PRKG1: variants seen among roughly 807,000 people sequenced by gnomAD.
PRKG1 encodes the protein protein kinase cGMP-dependent 1.
Under a neutral mutation model 88.1 loss-of-function variants are expected in PRKG1, and 35 were observed. The ratio of observed to expected loss-of-function variants is 0.40; its 90% CI spans 0.30 to 0.53. The LOEUF (loss-of-function observed/expected upper bound fraction) is 0.53, where lower values mean the gene tolerates loss of function less well. Among genes scored for constraint, PRKG1 ranks in the 20% least tolerant of loss-of-function variants. The pLI, the probability that PRKG1 is intolerant of heterozygous loss-of-function variation, is 0.59. For synonymous variants in PRKG1, 303 were observed against 292.5 expected (o/e 1.04, Z -0.37); for missense variants, 540 against 839.8 (o/e 0.64, Z 4.41).
At chr10:51,581,530 C>T (rs533671114) in intron 3 of PRKG1, among the ~76,000 whole-genome samples, 50 of 152,196 alleles carry the variant, frequency 3.3e-4, no homozygotes, top group Admixed American at 1.1e-3. Flanking sequence ...TTCCATTCCC[C>T]GAGCTATGAA....
chr10:51,268,958 G>A (rs975602038), intron 2 of PRKG1, among the ~76,000 whole-genome samples: 4 of 152,086 alleles, frequency 2.6e-5, no homozygotes, highest in African/African-American at 4.8e-5. Context: ...GGCTTCAGCC[G>A]GTCCTTCCAT....
At chr10:51,216,636 T>C (rs1838379140) in intron 2 of PRKG1, among the ~76,000 whole-genome samples, 1 of 152,224 alleles carries the variant, frequency 6.6e-6, no homozygotes, top group Non-Finnish European at 1.5e-5. Context: ...GCTGTCATCA[T>C]CATTTTCAAG....
chr10:51,914,900 A>T (rs540050556), intron 5 of PRKG1, among the ~76,000 whole-genome samples: 149 of 152,344 alleles, frequency 9.8e-4, no homozygotes, highest in African/African-American at 3.4e-3. Flanking sequence ...ATTATAAGAA[A>T]GTTTTTTAAA....
chr10:51,682,192 A>T (rs1486643449), intron 3 of PRKG1, among the ~76,000 whole-genome samples: 1 of 152,220 alleles, frequency 6.6e-6, no homozygotes, highest in Non-Finnish European at 1.5e-5. Flanking sequence ...CAGCTGTTAG[A>T]GGGTTTTTCC....
At position 52,225,625 on chromosome 10, in the gene PRKG1, A is replaced by G. The variant is rs1156470517; in HGVS notation, c.1077-25945A>G. On this transcript the variant is annotated intron_variant, in intron 9 of 17. Coordinates refer to ENST00000373980, the MANE Select transcript of PRKG1 (RefSeq NM_006258.4). ...TAGAATTTCAGTAGTTTCAGGTCTT[A>G]GGTTTAAGCCCTTAATCCATCTTGA... is the stretch of plus-strand genomic sequence containing the variant. 2.0e-5 allele frequency among the ~76,000 whole-genome samples: 3 copies of G among 152,184 alleles called. No individual in the cohort carries two copies. The East Asian group carries it at 5.8e-4, about 29-fold the overall frequency.
chr10:52,074,511 C>A (rs1846583549), intron 7 of PRKG1, among the ~76,000 whole-genome samples: 1 of 152,030 alleles, frequency 6.6e-6, no homozygotes, highest in Non-Finnish European at 1.5e-5. Flanking sequence ...TCAGGTGCCA[C>A]AAGATAAGAA....
At chr10:52,044,663 A>T (rs2133236436) in intron 5 of PRKG1, among the ~76,000 whole-genome samples, 1 of 152,326 alleles carries the variant, frequency 6.6e-6, no homozygotes, top group South Asian at 2.1e-4. Context: ...ACACTTTTCC[A>T]GATTATACTT....
chr10:52,148,956 G>GTTTTTTTTTTTTTTTTTTTTTTTTT (rs1837814829), intron 8 of PRKG1, among the ~76,000 whole-genome samples: 1 of 70,534 alleles, frequency 1.4e-5, no homozygotes, highest in African/African-American at 6.7e-5. Flanking sequence ...GGATAGTTTT[G>GTTTTTTTTTTTTTTTTTTTTTTTTT]CTTTTTTTTT....
intron 1 of PRKG1, among the ~76,000 whole-genome samples, chr10:51,077,151 G>A (rs982547071): frequency 1.3e-5 from 2 of 152,192 alleles, no homozygotes; most frequent in African/African-American, 2.4e-5. Flanking sequence ...GTTGTACAAG[G>A]TAGCTCCACA....
chr10:51,654,277 A>G (rs1355625618), intron 3 of PRKG1, among the ~76,000 whole-genome samples: 1 of 152,146 alleles, frequency 6.6e-6, no homozygotes, highest in African/African-American at 2.4e-5. Flanking sequence ...CATTTATTGA[A>G]AAGACTGTCC....
intron 7 of PRKG1, among the ~76,000 whole-genome samples, chr10:52,112,085 C>T (rs1008148429): frequency 2.6e-5 from 4 of 152,164 alleles, no homozygotes; most frequent in Non-Finnish European, 4.4e-5. Context: ...TCTCAACACA[C>T]GCCATCATTC....
chr10:52,029,212 A>T (rs1032173557), intron 5 of PRKG1, among the ~76,000 whole-genome samples: 3 of 152,210 alleles, frequency 2.0e-5, no homozygotes, highest in African/African-American at 7.2e-5. Context: ...TAGAAAAGTC[A>T]TTCCATTCTT....
At chr10:51,870,389 T>C (rs1841125976) in intron 4 of PRKG1, among the ~76,000 whole-genome samples, 1 of 151,664 alleles carries the variant, frequency 6.6e-6, no homozygotes, top group South Asian at 2.1e-4. Flanking sequence ...CTGTTTTCTC[T>C]TCTGATTTCT....
chr10:51,247,642 T>C (rs932745544), intron 2 of PRKG1, among the ~76,000 whole-genome samples: 8 of 151,988 alleles, frequency 5.3e-5, no homozygotes, highest in African/African-American at 1.9e-4. Flanking sequence ...GGGGCCAGCA[T>C]AGTGCATCCC....
At chr10:51,439,147 C>A (rs367728513) in intron 2 of PRKG1, among the ~76,000 whole-genome samples, 1 of 151,684 alleles carries the variant, frequency 6.6e-6, no homozygotes, top group East Asian at 1.9e-4. Flanking sequence ...CATGTCATGA[C>A]TTTGACCTTC....
At position 52,101,054 on chromosome 10, in the gene PRKG1, T is replaced by C. The variant is rs147971073; in HGVS notation, c.936-32786T>C. ...CAATCTTACAGGATTTGGATGTTCA[T>C]ATACCTGCCATTCATATTGATGAAT... On this transcript the variant is annotated intron_variant, in intron 7 of 17. Coordinates refer to ENST00000373980, the MANE Select transcript of PRKG1 (RefSeq NM_006258.4). Among the ~76,000 whole-genome samples, 998 of 152,314 alleles carry C rather than the reference T, an allele frequency of 6.6e-3. 8 individuals are homozygous for C. The highest frequency in any genetic ancestry group is 0.022 in the African/African-American group (920 of 41,574).
chr10:51,388,460 A>G (rs910907067), intron 2 of PRKG1, among the ~76,000 whole-genome samples: 1 of 152,228 alleles, frequency 6.6e-6, no homozygotes, highest in African/African-American at 2.4e-5. Context: ...TTTTCTGTCC[A>G]TGATAAATAT....
intron 7 of PRKG1, among the ~76,000 whole-genome samples, chr10:52,096,421 G>C (rs1289526077): frequency 6.6e-6 from 1 of 152,114 alleles, no homozygotes; most frequent in South Asian, 2.1e-4. Context: ...AGCTTCTGCA[G>C]GTTTCTGAGT....
intron 1 of PRKG1, among the ~76,000 whole-genome samples, chr10:51,122,582 T>G (rs10761831): frequency 0.22 from 33,666 of 152,008 alleles, 3,865 homozygotes; most frequent in Admixed American, 0.27. Context: ...AAAAACCCAA[T>G]TCATGTAAAT....
Sources: allele counts gnomAD v4.1 joint callset (sites outside exome capture counted in the v4.1 genomes callset), GRCh38; gene constraint gnomAD v4.1.1; transcripts MANE v1.5; gene names NCBI Gene and HGNC (gene_info 2026-07-23, HGNC 2026-07-21).